Variants in GNB4 observed in about 807,000 individuals in gnomAD.
GNB4 encodes the protein guanine nucleotide-binding protein subunit beta-4.
Under a neutral mutation model 45.2 loss-of-function variants are expected in GNB4, and 28 were observed. The observed-to-expected ratio is 0.62, with a 90% CI of 0.46 to 0.85. The LOEUF is 0.85. Among genes scored for constraint, GNB4 ranks in the 40% least tolerant of loss-of-function variants. The pLI is 0.00. For synonymous variants in GNB4, 132 were observed against 143.7 expected (o/e 0.92, Z 0.58); for missense variants, 321 against 425.4 (o/e 0.75, Z 2.16).
At chr3:179,498,743 G>A in the GNB4 span, among the ~76,000 whole-genome samples, 4 of 113,668 alleles carry the variant, frequency 3.5e-5, no homozygotes, top group South Asian at 1.4e-3. Context: ...AGTTGGTTGA[G>A]GTTTGGTTTT....
intron 1 of GNB4, among the ~76,000 whole-genome samples, chr3:179,441,803 G>C (rs1403554332): frequency 6.6e-6 from 1 of 151,378 alleles, no homozygotes; most frequent in Non-Finnish European, 1.5e-5. Context: ...TCAACTCACT[G>C]ACTGAAACAT....
intron 5 of GNB4, 37 bp from the exon 6 acceptor site, chr3:179,415,084 A>G: frequency 1.3e-6 from 2 of 1,494,118 alleles, no homozygotes; most frequent in Non-Finnish European, 1.8e-6. Context: ...CAGATTACAA[A>G]AACAGTCATC....
the GNB4 span, among the ~76,000 whole-genome samples, chr3:179,466,007 G>GTTTTTTTT: frequency 2.2e-5 from 2 of 90,908 alleles, no homozygotes; most frequent in South Asian, 4.0e-4. Context: ...TCCTCTAGTC[G>GTTTTTTTT]TTTTTTTTTT....
intron 8 of GNB4, among the ~76,000 whole-genome samples, chr3:179,406,761 C>T (rs765490069): frequency 1.2e-4 from 19 of 152,050 alleles, no homozygotes; most frequent in Admixed American, 2.0e-4. Flanking sequence ...TACAGGCATG[C>T]ACCACAACGC....
chr3:179,455,789 C>T (rs1053759922), upstream of GNB4, among the ~76,000 whole-genome samples: 2 of 152,214 alleles, frequency 1.3e-5, no homozygotes, highest in Non-Finnish European at 2.9e-5. Context: ...GACGTGTTCT[C>T]TGTTCCATGC....
intron 1 of GNB4, among the ~76,000 whole-genome samples, chr3:179,448,915 T>G (rs1353702145): frequency 6.6e-6 from 1 of 152,172 alleles, no homozygotes; most frequent in Non-Finnish European, 1.5e-5. Flanking sequence ...CCCGCTTCTA[T>G]TTATAAAAAT....
At chr3:179,505,422 A>T in the GNB4 span, among the ~76,000 whole-genome samples, 5 of 152,370 alleles carry the variant, frequency 3.3e-5, no homozygotes, top group African/African-American at 1.2e-4. Context: ...TAATATCCAG[A>T]GTCAGAGAAG....
At chr3:179,520,369 A>G in the GNB4 span, among the ~76,000 whole-genome samples, 1 of 151,954 alleles carries the variant, frequency 6.6e-6, no homozygotes, top group African/African-American at 2.4e-5. Flanking sequence ...CCCTTCTACA[A>G]AACAACAACT....
At chr3:179,505,922 G>C in the GNB4 span, among the ~76,000 whole-genome samples, 484 of 152,326 alleles carry the variant, frequency 3.2e-3, 2 homozygotes, top group African/African-American at 0.011. Context: ...TTGTTGCTGT[G>C]TTTGTAAGCC....
Position 179,440,880 on chromosome 3 carries a change from T to TAGAGAGAG in GNB4, c.-43+10458_-43+10465dup, listed in dbSNP as rs141411562. Among the ~76,000 whole-genome samples the TAGAGAGAG allele has an allele frequency of 1.1e-3, 159 of 149,116 alleles. 3 individuals carry two copies. The highest frequency in any genetic ancestry group is 3.5e-3 in the African/African-American group (140 of 40,564). Reference sequence around the variant, plus strand: ...AAAAATTCCTATATATATAGATAGATAGAGAGAGAGAGAGAGAGAGAGATA... The same window carrying TAGAGAGAG: ...AAAAATTCCTATATATATAGATAGATAGAGAGAGAGAGAGAGAGAGAGAGAGAGAGATA... On this transcript the variant is annotated intron_variant, in intron 1 of 9. Coordinates refer to ENST00000232564, the MANE Select transcript of GNB4 (RefSeq NM_021629.4).
intron 1 of GNB4, among the ~76,000 whole-genome samples, chr3:179,432,581 AAT>A (rs1357403259): frequency 6.6e-6 from 1 of 152,198 alleles, no homozygotes; most frequent in Admixed American, 6.5e-5. Flanking sequence ...AGTCCTAGTA[AAT>A]ATGTTTTGAA....
chr3:179,525,833 G>T, the GNB4 span, among the ~76,000 whole-genome samples: 1 of 152,256 alleles, frequency 6.6e-6, no homozygotes, highest in Non-Finnish European at 1.5e-5. Context: ...TGAAATTGGT[G>T]AGATGTTCCT....
chr3:179,464,280 G>A, the GNB4 span: 1 of 520,500 alleles, frequency 1.9e-6, no homozygotes, highest in Non-Finnish European at 3.5e-6. Flanking sequence ...GCAACATAGA[G>A]AGACTCCATC....
chr3:179,430,687 C>A (rs1388743737), intron 1 of GNB4, among the ~76,000 whole-genome samples: 1 of 150,730 alleles, frequency 6.6e-6, no homozygotes, highest in Non-Finnish European at 1.5e-5. Context: ...GACCTCCTGG[C>A]CTCAACTGGT....
intron 4 of GNB4, among the ~76,000 whole-genome samples, chr3:179,416,988 T>C (rs1352430324): frequency 6.6e-6 from 1 of 152,190 alleles, no homozygotes; most frequent in Non-Finnish European, 1.5e-5. Context: ...GCAGGATACA[T>C]CGCCTGCTCT....
the GNB4 span, among the ~76,000 whole-genome samples, chr3:179,492,649 C>T: frequency 6.6e-6 from 1 of 152,112 alleles, no homozygotes; most frequent in South Asian, 2.1e-4. Flanking sequence ...ATGTCCATGC[C>T]CCAGGACCTA....
chr3:179,428,910 T>C (rs541122142), intron 1 of GNB4, among the ~76,000 whole-genome samples: 8 of 152,300 alleles, frequency 5.3e-5, no homozygotes, highest in Admixed American at 2.0e-4. Flanking sequence ...GGATAAACTA[T>C]GATCTGTACC....
chr3:179,459,850 G>T, the GNB4 span, among the ~76,000 whole-genome samples: 32 of 152,290 alleles, frequency 2.1e-4, no homozygotes, highest in South Asian at 6.6e-3. Context: ...TGTCTCACCA[G>T]TTGGATCTCA....
intron 6 of GNB4, among the ~76,000 whole-genome samples, chr3:179,414,199 A>AT (rs1051860436): frequency 2.6e-5 from 4 of 151,928 alleles, no homozygotes; most frequent in East Asian, 3.9e-4. Flanking sequence ...AGTTAAAAAA[A>AT]TTTTTTTTTC....
Sources: gnomAD v4.1 joint callset for allele counts (sites outside exome capture counted in the v4.1 genomes callset) on GRCh38, gnomAD v4.1.1 for gene constraint, MANE v1.5 for transcripts, NCBI Gene and HGNC (gene_info 2026-07-23, HGNC 2026-07-21) for gene names.